UTP15: variants seen among roughly 807,000 people sequenced by gnomAD.
UTP15 encodes the protein U3 small nucleolar RNA-associated protein 15 homolog.
In UTP15, 5 loss-of-function variants were observed where a neutral mutation model predicts 59.1. That is an observed-to-expected ratio of 0.08 (90% CI 0.04 to 0.18). The LOEUF is 0.18. Ranked by LOEUF, UTP15 falls within the 10% of genes least tolerant of loss-of-function variation. UTP15 has a pLI of 1.00. For missense variants in UTP15, 494 were observed against 616.7 expected (o/e 0.80, Z 2.11); for synonymous variants, 211 against 212.2 (o/e 0.99, Z 0.05).
intron 6 of UTP15, among the ~76,000 whole-genome samples, chr5:73,571,270 G>C (rs143428556): frequency 1.7e-4 from 25 of 150,834 alleles, no homozygotes; most frequent in Middle Eastern, 6.8e-3. Context: ...AGATCTAGTA[G>C]GCTTGTCTCT....
chr5:73,576,920 T>G, intron 7 of UTP15, 32 bp from the exon 8 acceptor site: 1 of 1,475,658 alleles, frequency 6.8e-7, no homozygotes, highest in Non-Finnish European at 9.3e-7. Context: ...GTTTTCAAGG[T>G]GATTTTTGAC....
intron 1 of UTP15, 194 bp downstream of exon 1, chr5:73,566,106 G>T: frequency 3.1e-6 from 1 of 318,438 alleles, no homozygotes; most frequent in Non-Finnish European, 6.2e-6. Context: ...GTCCACCGTT[G>T]TTAGTTCCCG....
At chr5:73,575,351 G>A (rs1489908350) in intron 7 of UTP15, among the ~76,000 whole-genome samples, 2 of 152,160 alleles carry the variant, frequency 1.3e-5, no homozygotes, top group South Asian at 2.1e-4. Flanking sequence ...CTCAAGGAAC[G>A]TTTGACAATA....
intron 12 of UTP15, among the ~76,000 whole-genome samples, 186 bp from the exon 13 acceptor site, chr5:73,579,690 AT>A (rs1748239402): frequency 1.3e-5 from 2 of 152,112 alleles, no homozygotes; most frequent in African/African-American, 4.8e-5. Flanking sequence ...TGTAATTATT[AT>A]TTTTTGAAAT....
At chr5:73,572,986 C>T (rs752888677) in intron 7 of UTP15, among the ~76,000 whole-genome samples, 19 of 151,936 alleles carry the variant, frequency 1.3e-4, no homozygotes, top group Non-Finnish European at 2.2e-4. Flanking sequence ...TTAGTAGAGA[C>T]GGAGTTTCAC....
Position 73,579,313 on chromosome 5 carries a change from G to C in UTP15, c.1281-4G>C. On this transcript the variant is annotated splice_polypyrimidine_tract_variant and splice_region_variant and intron_variant, in intron 11 of 12. Coordinates refer to ENST00000296792, the MANE Select transcript of UTP15 (RefSeq NM_032175.4). ...TTTCACTAAACTGAATTTTTACTTT[G>C]TAGGAATCTTTCTCAGCCAAGATTT... 1 of 1,606,856 alleles carries C rather than the reference G, an allele frequency of 6.2e-7. No homozygotes were observed. Among genetic ancestry groups the C allele is most frequent in the Non-Finnish European group, 8.5e-7 (1 of 1,177,430 alleles).
intron 4 of UTP15, 48 bp downstream of exon 4, chr5:73,568,652 G>A (rs1205304657): frequency 6.5e-7 from 1 of 1,530,732 alleles, no homozygotes; most frequent in Non-Finnish European, 8.8e-7. Context: ...TTTGTTGTAA[G>A]CTCTTTTTTT....
Position 73,582,151 on chromosome 5 carries a change from T to C in UTP15, c.*2057T>C, listed in dbSNP as rs868758016. On this transcript the variant is annotated 3_prime_UTR_variant, in exon 13 of 13. Coordinates refer to ENST00000296792, the MANE Select transcript of UTP15 (RefSeq NM_032175.4). Reference sequence around the variant, plus strand: ...AGGTTGATGTTATTCTCATTTAACATTGAGTTAACGAAAGTAGTTGATTCA... The same window carrying C: ...AGGTTGATGTTATTCTCATTTAACACTGAGTTAACGAAAGTAGTTGATTCA... 1.1e-4 allele frequency: 16 copies of C among 152,204 alleles called. No homozygotes were observed. The highest frequency in any genetic ancestry group is 6.5e-4 in the Admixed American group (10 of 15,276). The allele number at this position is 152,204 out of a possible 1,614,324, so 9.4% of individuals were successfully genotyped here.
Position 73,580,276 on chromosome 5 carries a change from A to G in UTP15, c.*182A>G. On this transcript the variant is annotated 3_prime_UTR_variant, in exon 13 of 13. Coordinates refer to ENST00000296792, the MANE Select transcript of UTP15 (RefSeq NM_032175.4). ...CGTTTTAAGTAAGACATGGTTTTCC[A>G]TGTAATATTTTGAATTATAGCATCT... The G allele has an allele frequency of 1.9e-6, 1 of 513,506 alleles. No individual in the cohort carries two copies. The highest frequency in any genetic ancestry group is 3.4e-5 in the East Asian group (1 of 29,816). 31.8% of individuals were successfully genotyped at this position (513,506 alleles called of 1,614,324 possible). A position where few individuals can be genotyped will look rare whatever the true frequency, so the allele number is the denominator to read the frequency against.
chr5:73,566,251 T>C (rs928981466), intron 1 of UTP15: 1 of 214,578 alleles, frequency 4.7e-6, no homozygotes, highest in African/African-American at 2.3e-5. Flanking sequence ...TTGTTAACTA[T>C]TTGGATGTTA....
At chr5:73,570,400 A>G (rs1008897733) in intron 5 of UTP15, among the ~76,000 whole-genome samples, 186 bp from the exon 6 acceptor site, 1 of 152,206 alleles carries the variant, frequency 6.6e-6, no homozygotes, top group Admixed American at 6.5e-5. Context: ...GTATAGTATT[A>G]TGTAGTGCTT....
rs1232913377 is a variant in UTP15, at chr5:73,568,416, G to A, written c.184-4G>A. ...CTGGTGAAATACTGTTTTTCATCTT[G>A]TAGATTCACATTTATGGCCGATACT... On this transcript the variant is annotated splice_region_variant and splice_polypyrimidine_tract_variant and intron_variant, in intron 3 of 12. Transcript: ENST00000296792. 2 of 1,603,644 alleles carry A rather than the reference G, an allele frequency of 1.2e-6. No individual in the cohort carries two copies. The highest frequency in any genetic ancestry group is 1.1e-5 in the South Asian group (1 of 89,366).
chr5:73,574,929 C>G (rs542320669), intron 7 of UTP15, among the ~76,000 whole-genome samples: 1 of 152,284 alleles, frequency 6.6e-6, no homozygotes, highest in South Asian at 2.1e-4. Flanking sequence ...ATGCCCAAGT[C>G]CCTTATTTAA....
chr5:73,575,615 T>G (rs114988508), intron 7 of UTP15, among the ~76,000 whole-genome samples: 3,335 of 151,998 alleles, frequency 0.022, 112 homozygotes, highest in African/African-American at 0.075. Flanking sequence ...CAGGCTGGTC[T>G]TGAACTCCTG....
In UTP15 at chr5:73,578,751, G is replaced by A. The variant is rs747910316; in HGVS notation, c.1045G>A (p.Asp349Asn). 1.2e-6 allele frequency: 2 copies of A among 1,613,320 alleles called. No homozygotes were observed. Among genetic ancestry groups the A allele is most frequent in the Admixed American group, 3.3e-5 (2 of 59,966 alleles). Residue 349 changes from aspartate (D) to asparagine (N), a missense_variant and splice_region_variant, in exon 10 of 13, where the codon GAT becomes AAT. Coordinates refer to ENST00000296792, the MANE Select transcript of UTP15 (RefSeq NM_032175.4). ...IKGKNYMKQR[D>N]DILINRPAKK... ...TCTATAAATGTACTTTTCATTGCAG[G>A]ATGACATTTTGATTAACAGGCCAGC... is the stretch of plus-strand genomic sequence containing the variant.
At chr5:73,573,927 T>C (rs1748014049) in intron 7 of UTP15, among the ~76,000 whole-genome samples, 1 of 151,992 alleles carries the variant, frequency 6.6e-6, no homozygotes, top group Admixed American at 6.5e-5. Flanking sequence ...AAAAATAAAA[T>C]ATATATTACA....
chr5:73,570,361 T>C (rs1226376072), intron 5 of UTP15, among the ~76,000 whole-genome samples: 1 of 152,210 alleles, frequency 6.6e-6, no homozygotes, highest in Non-Finnish European at 1.5e-5. Context: ...AAGAAAGAAA[T>C]ATTTTAAGAT....
Position 73,580,199 on chromosome 5 carries a change from G to A in UTP15, c.*105G>A. 1.0e-6 allele frequency: 1 copy of A among 977,626 alleles called. No individual in the cohort carries two copies. The highest frequency in any genetic ancestry group is 1.8e-5 in the South Asian group (1 of 55,982). 60.6% of individuals were successfully genotyped at this position (977,626 alleles called of 1,614,324 possible). ...TGATACATTAAAAAAACTGTTTGCA[G>A]AAGCAGTTCTGTGGAAGAGACTGGA... On this transcript the variant is annotated 3_prime_UTR_variant, in exon 13 of 13. Transcript: ENST00000296792.
intron 7 of UTP15, among the ~76,000 whole-genome samples, chr5:73,575,948 C>T (rs1415608034): frequency 2.6e-5 from 4 of 151,084 alleles, no homozygotes; most frequent in African/African-American, 4.9e-5. Flanking sequence ...CTTTAACTCC[C>T]GACCTCAGGT....
Sources: gnomAD v4.1 joint callset for allele counts (sites outside exome capture counted in the v4.1 genomes callset) on GRCh38, gnomAD v4.1.1 for gene constraint, MANE v1.5 for transcripts, NCBI Gene and HGNC (gene_info 2026-07-23, HGNC 2026-07-21) for gene names.